WWOX: variants seen among roughly 807,000 people sequenced by gnomAD.
WWOX encodes WW domain-containing oxidoreductase.
WWOX carries 69 observed loss-of-function variants against 46.2 expected under a neutral mutation model. That is an observed-to-expected ratio of 1.49 (90% confidence interval 1.23 to 1.82). The LOEUF is 1.82. WWOX is among the 40% of genes most tolerant of loss of function. The pLI is 0.00. For synonymous variants in WWOX, 359 were observed against 202.6 expected (o/e 1.77, Z -6.56); for missense variants, 919 against 542.6 (o/e 1.69, Z -6.89).
In WWOX at chr16:78,849,432, G is replaced by A. The variant is rs532540249; in HGVS notation, c.1057-362176G>A. Among the ~76,000 whole-genome samples the A allele has an allele frequency of 1.1e-4, 17 of 151,956 alleles. No individual in the cohort carries two copies. In the South Asian group the frequency reaches 3.3e-3, roughly 30 times the overall value. ...TAAAAATACAAAAAAAAATTAGCCA[G>A]GCCTGGTGGCGGGCGCCTGTAGTCC... is the stretch of plus-strand genomic sequence containing the variant. On this transcript the variant is annotated intron_variant, in intron 8 of 8. Coordinates refer to ENST00000566780, the MANE Select transcript of WWOX (RefSeq NM_016373.4).
At chr16:78,733,082 C>G (rs183668484) in intron 8 of WWOX, among the ~76,000 whole-genome samples, 6 of 152,144 alleles carry the variant, frequency 3.9e-5, no homozygotes, top group Non-Finnish European at 7.3e-5. Context: ...CCCCAAACTT[C>G]CGCCTTTTTT....
At chr16:78,654,025 A>G (rs1190483822) in intron 8 of WWOX, among the ~76,000 whole-genome samples, 2 of 152,182 alleles carry the variant, frequency 1.3e-5, no homozygotes, top group East Asian at 3.9e-4. Flanking sequence ...AGCTTTGGGA[A>G]CCCCAACTAT....
chr16:78,182,819 C>T (rs946660642), intron 5 of WWOX, among the ~76,000 whole-genome samples: 7 of 151,744 alleles, frequency 4.6e-5, no homozygotes, highest in African/African-American at 1.7e-4. Context: ...GGCATGGTGG[C>T]GGGTACCTGT....
intron 8 of WWOX, among the ~76,000 whole-genome samples, chr16:78,776,252 G>C (rs2050186749): frequency 6.6e-6 from 1 of 152,124 alleles, no homozygotes; most frequent in South Asian, 2.1e-4. Context: ...AGCAGCACAG[G>C]CTACATTGGC....
At chr16:78,812,732 CCCTAAAAAAAAAATCTATCCAAAGG>C (rs2051223364) in intron 8 of WWOX, among the ~76,000 whole-genome samples, 1 of 147,800 alleles carries the variant, frequency 6.8e-6, no homozygotes, top group South Asian at 2.1e-4. Context: ...TCCTCCCACC[CCCTAAAAAAAAAATCTATCCAAAGG>C]CCTTGACTAA....
intron 5 of WWOX, among the ~76,000 whole-genome samples, chr16:78,212,635 C>G (rs951452799): frequency 7.9e-5 from 12 of 152,228 alleles, no homozygotes; most frequent in Admixed American, 2.6e-4. Context: ...ATTAGGTCCA[C>G]GAAAGAGGGT....
intron 6 of WWOX, among the ~76,000 whole-genome samples, chr16:78,419,625 CAAAAAAAAAAA>C (rs60762734): frequency 4.5e-5 from 2 of 44,692 alleles, no homozygotes; most frequent in African/African-American, 1.5e-4. Flanking sequence ...CAAAAAATAG[CAAAAAAAAAAA>C]AAAAAAAAAA....
intron 5 of WWOX, among the ~76,000 whole-genome samples, chr16:78,240,266 C>G (rs1221111715): frequency 6.6e-6 from 1 of 151,966 alleles, no homozygotes; most frequent in South Asian, 2.1e-4. Context: ...ATCACTTGAG[C>G]CCAGGAGTTC....
At chr16:78,829,851 G>T (rs1414455434) in intron 8 of WWOX, among the ~76,000 whole-genome samples, 1 of 152,120 alleles carries the variant, frequency 6.6e-6, no homozygotes, top group Non-Finnish European at 1.5e-5. Flanking sequence ...TCTTTGAGTA[G>T]TTTTATTAAT....
chr16:78,865,616 A>G lies in WWOX; in HGVS notation c.1057-345992A>G, dbSNP rs564533496. ...TGGCCGGCCAGGTGCAGTGTGGCTCAAGCCTGTAATCCCAGCACTTTGGGA... is the reference window on the plus strand; with the variant it reads ...TGGCCGGCCAGGTGCAGTGTGGCTCGAGCCTGTAATCCCAGCACTTTGGGA... On this transcript the variant is annotated intron_variant, in intron 8 of 8. Coordinates refer to ENST00000566780, the MANE Select transcript of WWOX (RefSeq NM_016373.4). Among the ~76,000 whole-genome samples, 5 of 152,336 alleles carry G rather than the reference A, an allele frequency of 3.3e-5. No individual in the cohort carries two copies. The South Asian group carries it at 1.0e-3, about 32-fold the overall frequency.
chr16:78,828,971 C>T (rs1413177814), intron 8 of WWOX, among the ~76,000 whole-genome samples: 1 of 152,184 alleles, frequency 6.6e-6, no homozygotes, highest in African/African-American at 2.4e-5. Flanking sequence ...AGCGACACAG[C>T]CATGAATGGC....
chr16:78,545,104 C>T (rs936011675), intron 8 of WWOX, among the ~76,000 whole-genome samples: 2 of 152,226 alleles, frequency 1.3e-5, no homozygotes, highest in African/African-American at 4.8e-5. Flanking sequence ...TTTAGTGATT[C>T]TCTAAGTACA....
At chr16:78,561,041 C>A (rs1207190475) in intron 8 of WWOX, among the ~76,000 whole-genome samples, 1 of 152,174 alleles carries the variant, frequency 6.6e-6, no homozygotes, top group South Asian at 2.1e-4. Context: ...TCCTTTCCTG[C>A]ATGCTCTGTG....
chr16:78,950,113 G>A (rs1445488034), intron 8 of WWOX, among the ~76,000 whole-genome samples: 1 of 152,114 alleles, frequency 6.6e-6, no homozygotes, highest in Non-Finnish European at 1.5e-5. Context: ...TACTGCACAT[G>A]TTTTTGTTTT....
chr16:78,639,293 C>G (rs1455467606), intron 8 of WWOX, among the ~76,000 whole-genome samples: 1 of 152,186 alleles, frequency 6.6e-6, no homozygotes, highest in African/African-American at 2.4e-5. Flanking sequence ...AGGGAAGCAA[C>G]CCAAGCTGGG....
chr16:78,736,383 G>C (rs1182884385), intron 8 of WWOX, among the ~76,000 whole-genome samples: 1 of 152,124 alleles, frequency 6.6e-6, no homozygotes, highest in Admixed American at 6.5e-5. Flanking sequence ...ACAAAAGCTA[G>C]GAAATGGCAC....
At chr16:78,378,818 G>C (rs1183419680) in intron 5 of WWOX, among the ~76,000 whole-genome samples, 1 of 152,168 alleles carries the variant, frequency 6.6e-6, no homozygotes, top group East Asian at 1.9e-4. Flanking sequence ...TTCTCCTTCA[G>C]CGGTAACACT....
At chr16:78,567,057 C>A (rs969627923) in intron 8 of WWOX, among the ~76,000 whole-genome samples, 1 of 152,120 alleles carries the variant, frequency 6.6e-6, no homozygotes, top group Non-Finnish European at 1.5e-5. Context: ...GTTAATCCCA[C>A]CCTAAGTGAT....
intron 8 of WWOX, among the ~76,000 whole-genome samples, chr16:78,596,639 C>A (rs563880715): frequency 2.4e-4 from 36 of 152,226 alleles, no homozygotes; most frequent in South Asian, 6.2e-4. Flanking sequence ...TTTCAAGGTC[C>A]ATTTGTGGGG....
Sources: gnomAD v4.1 joint callset for allele counts (sites outside exome capture counted in the v4.1 genomes callset) on GRCh38, gnomAD v4.1.1 for gene constraint, MANE v1.5 for transcripts, NCBI Gene and HGNC (gene_info 2026-07-23, HGNC 2026-07-21) for gene names.